CNTN3: variants seen among roughly 807,000 people sequenced by gnomAD.
The protein encoded by CNTN3 is contactin 3.
A neutral mutation model predicts 119.1 loss-of-function variants in CNTN3; 60 were observed. The ratio of observed to expected loss-of-function variants is 0.50; its 90% confidence interval spans 0.41 to 0.62. The LOEUF is 0.62. CNTN3 is among the 20% of genes least tolerant of loss of function. CNTN3 has a pLI of 0.00. For synonymous variants in CNTN3, 450 were observed against 438.7 expected (o/e 1.03, Z -0.32); for missense variants, 1,101 against 1,242.4 (o/e 0.89, Z 1.71).
rs1259485738 is a variant in CNTN3, at chr3:74,396,421, A to G, written c.455-25022T>C. On this transcript the variant is annotated intron_variant, in intron 5 of 22. Coordinates refer to ENST00000263665, the MANE Select transcript of CNTN3 (RefSeq NM_020872.3). ...TTTGAGTGAAGATCAAACCAGTGAC[A>G]ACATTCCCTTAAGCCAAAGCCTAAT... Among the ~76,000 whole-genome samples, 6 of 152,316 alleles carry G rather than the reference A, an allele frequency of 3.9e-5. 1 individual carries two copies. In the Middle Eastern group the frequency reaches 0.01, roughly 259 times the overall value.
At chr3:74,280,511 C>G (rs570333434) in intron 20 of CNTN3, among the ~76,000 whole-genome samples, 22 of 152,248 alleles carry the variant, frequency 1.4e-4, no homozygotes, top group Non-Finnish European at 2.8e-4. Context: ...GTAGAATAAT[C>G]AGAAAGAAAC....
chr3:74,313,254 A>C (rs1702743494), intron 13 of CNTN3, among the ~76,000 whole-genome samples: 3 of 152,196 alleles, frequency 2.0e-5, no homozygotes, highest in Admixed American at 2.0e-4. Flanking sequence ...GGAAAAAAGC[A>C]ATTTTTGAAG....
intron 4 of CNTN3, among the ~76,000 whole-genome samples, chr3:74,485,742 A>G (rs1246948074): frequency 2.8e-5 from 1 of 35,326 alleles, no homozygotes; most frequent in Non-Finnish European, 1.2e-4. Context: ...AATAAAAAGA[A>G]AAAAAAAAAA....
At chr3:74,281,191 G>A (rs1701999772) in intron 20 of CNTN3, among the ~76,000 whole-genome samples, 1 of 152,258 alleles carries the variant, frequency 6.6e-6, no homozygotes, top group African/African-American at 2.4e-5. Flanking sequence ...GAGCAGGGAA[G>A]TGACATTATC....
At chr3:74,320,030 G>C (rs1326951172) in intron 13 of CNTN3, among the ~76,000 whole-genome samples, 1 of 152,208 alleles carries the variant, frequency 6.6e-6, no homozygotes, top group Non-Finnish European at 1.5e-5. Flanking sequence ...AGGTGCTGGA[G>C]ACGATGTGGA....
chr3:74,464,419 C>G (rs1702425105), intron 4 of CNTN3, among the ~76,000 whole-genome samples: 1 of 151,954 alleles, frequency 6.6e-6, no homozygotes, highest in Non-Finnish European at 1.5e-5. Flanking sequence ...ATGGTATATA[C>G]AGATATAAAA....
intron 2 of CNTN3, among the ~76,000 whole-genome samples, chr3:74,508,831 G>T (rs1703312770): frequency 1.3e-5 from 2 of 152,122 alleles, no homozygotes; most frequent in African/African-American, 2.4e-5. Flanking sequence ...CAGTGCCCCA[G>T]ATTATTTTAG....
chr3:74,347,226 T>C (rs2106739298), intron 11 of CNTN3, among the ~76,000 whole-genome samples: 1 of 152,290 alleles, frequency 6.6e-6, no homozygotes, highest in African/African-American at 2.4e-5. Context: ...ACACAGTCTC[T>C]TTTTCTCAGC....
chr3:74,353,421 G>A (rs1000847156), intron 11 of CNTN3, among the ~76,000 whole-genome samples: 5 of 152,162 alleles, frequency 3.3e-5, no homozygotes, highest in African/African-American at 1.2e-4. Context: ...GGAACTACTT[G>A]ATCAGGGTGG....
chr3:74,565,412 T>G (rs1336496033), intron 1 of CNTN3, among the ~76,000 whole-genome samples: 1 of 152,124 alleles, frequency 6.6e-6, no homozygotes, highest in African/African-American at 2.4e-5. Context: ...TCCTCCTGCC[T>G]CTCTCTTAGA....
chr3:74,546,768 G>A (rs1331727677), intron 1 of CNTN3, among the ~76,000 whole-genome samples: 1 of 152,090 alleles, frequency 6.6e-6, no homozygotes, highest in Non-Finnish European at 1.5e-5. Flanking sequence ...CCTATTGTGG[G>A]ACTTCACTTT....
chr3:74,399,665 A>T (rs983550283), intron 5 of CNTN3, among the ~76,000 whole-genome samples: 8 of 152,118 alleles, frequency 5.3e-5, no homozygotes, highest in Non-Finnish European at 8.8e-5. Flanking sequence ...CCAGTGATGG[A>T]ATTGCTGGGT....
intron 1 of CNTN3, among the ~76,000 whole-genome samples, chr3:74,587,843 G>T (rs946476420): frequency 1.3e-5 from 2 of 152,040 alleles, no homozygotes; most frequent in African/African-American, 2.4e-5. Flanking sequence ...TGAATAGGAG[G>T]CGTGAGAGAG....
At chr3:74,318,636 G>A (rs977878878) in intron 13 of CNTN3, among the ~76,000 whole-genome samples, 3 of 152,206 alleles carry the variant, frequency 2.0e-5, no homozygotes, top group African/African-American at 4.8e-5. Context: ...TATCAGCAGC[G>A]GTGGCTGCAG....
At chr3:74,412,006 C>A (rs1190020531) in intron 5 of CNTN3, among the ~76,000 whole-genome samples, 2 of 152,092 alleles carry the variant, frequency 1.3e-5, no homozygotes, top group Non-Finnish European at 2.9e-5. Flanking sequence ...TCTGAATTTA[C>A]ATAAAATTTA....
At chr3:74,399,573 T>C (rs1705140288) in intron 5 of CNTN3, among the ~76,000 whole-genome samples, 1 of 152,208 alleles carries the variant, frequency 6.6e-6, no homozygotes, top group Non-Finnish European at 1.5e-5. Context: ...TTCCCTGTCT[T>C]TGCTATTGTG....
intron 2 of CNTN3, among the ~76,000 whole-genome samples, chr3:74,504,913 AT>A (rs998300741): frequency 1.3e-5 from 2 of 152,088 alleles, no homozygotes; most frequent in African/African-American, 4.8e-5. Flanking sequence ...CCAAAACAGA[AT>A]TTTTTGTCTC....
chr3:74,551,756 T>C (rs1398917671), intron 1 of CNTN3, among the ~76,000 whole-genome samples: 2 of 44,806 alleles, frequency 4.5e-5, no homozygotes, highest in Admixed American at 2.2e-4. Flanking sequence ...TTCTTCTTCT[T>C]TTTTTTTTTT....
intron 20 of CNTN3, among the ~76,000 whole-genome samples, chr3:74,282,560 T>C (rs2106776307): frequency 6.6e-6 from 1 of 152,314 alleles, no homozygotes; most frequent in Non-Finnish European, 1.5e-5. Flanking sequence ...ACTCTTTCCC[T>C]GTAAAGTTTA....
Sources: gnomAD v4.1 joint callset for allele counts (sites outside exome capture counted in the v4.1 genomes callset) on GRCh38, gnomAD v4.1.1 for gene constraint, MANE v1.5 for transcripts, NCBI Gene and HGNC (gene_info 2026-07-23, HGNC 2026-07-21) for gene names.